Variants in SERPINC1 observed in about 807,000 individuals in gnomAD.
SERPINC1 encodes the protein antithrombin-III.
Under a neutral mutation model 43.4 loss-of-function variants are expected in SERPINC1, and 12 were observed. The ratio of observed to expected loss-of-function variants is 0.28; its 90% CI spans 0.18 to 0.45. SERPINC1 has a LOEUF of 0.45. SERPINC1 is among the 20% of genes least tolerant of loss of function. The pLI is 1.00. For synonymous variants in SERPINC1, 210 were observed against 218.9 expected, an observed-to-expected ratio of 0.96 and a Z score of 0.36; for missense variants, 423 against 578.8, an observed-to-expected ratio of 0.73 and a Z score of 2.76.
At position 173,910,868 on chromosome 1, in the gene SERPINC1, C is replaced by T. The variant is rs767468032; in HGVS notation, c.648G>A (p.Ala216=). The change falls in exon 4 of 7, where the codon GCG becomes GCA. Residue 216 remains alanine, a synonymous_variant. Transcript: ENST00000367698. ...TATTGGACACCCATTTGTTGATGGC[C>T]GCTCTGGATTGCTCTGCATTTTCCT... ...DFKENAEQSR[A]AINKWVSNKT... 3.2e-5 allele frequency: 52 copies of T among 1,614,010 alleles called. No individual in the cohort carries two copies. The highest frequency in any genetic ancestry group is 4.2e-5 in the Non-Finnish European group (49 of 1,180,030).
At chr1:173,904,225 C>T (rs937533858) in intron 6 of SERPINC1, among the ~76,000 whole-genome samples, 160 bp from the exon 7 acceptor site, 1 of 152,224 alleles carries the variant, frequency 6.6e-6, no homozygotes, top group Non-Finnish European at 1.5e-5. Flanking sequence ...TACTTCTACT[C>T]ATTCTTTCAT....
chr1:173,910,789 T>C lies in SERPINC1; in HGVS notation c.727A>G (p.Thr243Ala). 1 of 1,613,982 alleles carries C rather than the reference T, an allele frequency of 6.2e-7. No individual in the cohort carries two copies. Among genetic ancestry groups the C allele is most frequent in the South Asian group, 1.1e-5 (1 of 91,082 alleles). The part of the protein sequence containing the change: ...VIPSEAINEL[T>A]VLVLVNTIYF... Reference sequence around the variant, plus strand: ...ATGGTGTTAACCAGCACCAGAACAGTGAGCTCATTGATGGCTTCCGAGGGA... The same window carrying C: ...ATGGTGTTAACCAGCACCAGAACAGCGAGCTCATTGATGGCTTCCGAGGGA... Residue 243 changes from threonine (T) to alanine (A), a missense_variant, in exon 4 of 7, where the codon ACT becomes GCT. Transcript: ENST00000367698.
At chr1:173,907,141 G>T (rs1419332776) in intron 6 of SERPINC1, among the ~76,000 whole-genome samples, 1 of 151,802 alleles carries the variant, frequency 6.6e-6, no homozygotes, top group East Asian at 1.9e-4. Context: ...AATTCTCCCT[G>T]GGTTTCTGCG....
chr1:173,907,993 T>TAAC (rs903726727), intron 5 of SERPINC1, among the ~76,000 whole-genome samples: 1 of 74,522 alleles, frequency 1.3e-5, no homozygotes, highest in Non-Finnish European at 2.5e-5. Flanking sequence ...AAAATAATAA[T>TAAC]AATAATAATA....
At chr1:173,913,369 G>A (rs1439508336) in intron 2 of SERPINC1, among the ~76,000 whole-genome samples, 1 of 152,172 alleles carries the variant, frequency 6.6e-6, no homozygotes, top group African/African-American at 2.4e-5. Flanking sequence ...GCAGTGGGGG[G>A]AAGGGGGTGG....
intron 2 of SERPINC1, 130 bp downstream of exon 2, chr1:173,914,423 G>A (rs919968761): frequency 1.0e-6 from 1 of 995,926 alleles, no homozygotes; most frequent in Non-Finnish European, 1.6e-6. Context: ...GATGTTCAAA[G>A]GGAATCGTAA....
At position 173,912,000 on chromosome 1, in the gene SERPINC1, G is replaced by A. The variant is rs1657792288; in HGVS notation, c.423C>T (p.Asp141=). 6.2e-7 allele frequency: 1 copy of A among 1,613,744 alleles called. No individual in the cohort carries two copies. Among genetic ancestry groups the A allele is most frequent in the Non-Finnish European group, 8.5e-7 (1 of 1,179,660 alleles). ...LQQLMEVFKF[D]TISEKTSDQI... ...GATCAGATGTTTTCTCAGATATGGT[G>A]TCAAACTTAAATACCTATAGAAGTC... The change falls in exon 3 of 7, where the codon GAC becomes GAT. Residue 141 remains aspartate (D), a synonymous_variant. Coordinates refer to ENST00000367698, the MANE Select transcript of SERPINC1 (RefSeq NM_000488.4).
At chr1:173,914,984 G>A in intron 1 of SERPINC1, 65 bp from the exon 2 acceptor site, 3 of 1,576,142 alleles carry the variant, frequency 1.9e-6, no homozygotes, top group Non-Finnish European at 1.7e-6. Context: ...CCCACCACAG[G>A]GTTGCCCCAG....
At chr1:173,909,981 A>T (rs1226407242) in intron 4 of SERPINC1, 39 bp from the exon 5 acceptor site, 12 of 1,603,586 alleles carry the variant, frequency 7.5e-6, no homozygotes, top group African/African-American at 1.3e-5. Context: ...AAACATTCAT[A>T]GGAGGATAGT....
rs1180794147 is a variant in SERPINC1 at position 173,914,711 on chromosome 1, A to G, written c.250T>C (p.Ser84Pro). The change falls in exon 2 of 7, where the codon TCC (serine) becomes CCC (proline). Residue 84 changes from serine to proline, a missense_variant. Physicochemically the swap from Ser to Pro is moderately conservative, Grantham distance 74. Coordinates refer to ENST00000367698, the MANE Select transcript of SERPINC1 (RefSeq NM_000488.4). Reference sequence around the variant, plus strand: ...GTAGCAAAGCGGGAATTGGCCTTGGACAGTTCCCAGACACGCCGGTTGGTG... The same window carrying G: ...GTAGCAAAGCGGGAATTGGCCTTGGGCAGTTCCCAGACACGCCGGTTGGTG... ...EATNRRVWEL[S>P]KANSRFATTF... 2 of 1,614,228 alleles carry G rather than the reference A, an allele frequency of 1.2e-6. No individual in the cohort carries two copies. The highest frequency in any genetic ancestry group is 3.3e-5 in the Admixed American group (2 of 60,024).
chr1:173,914,738 C>T lies in SERPINC1; in HGVS notation c.223G>A (p.Ala75Thr), dbSNP rs1297895835. The T allele has an allele frequency of 5.0e-6, 8 of 1,614,112 alleles. No individual in the cohort carries two copies. The highest frequency in any genetic ancestry group is 6.8e-6 in the Non-Finnish European group (8 of 1,180,052). The change falls in exon 2 of 7, where the codon GCC becomes ACC. Residue 75 changes from alanine to threonine, a missense_variant. Ala to Thr is a moderately conservative substitution (Grantham distance 58). Transcript: ENST00000367698. ...DEGSEQKIPEATNRRVWELSK... is the reference protein window; with the variant it reads ...DEGSEQKIPETTNRRVWELSK... ...AGTTCCCAGACACGCCGGTTGGTGG[C>T]CTCCGGGATCTTCTGTTCTGAGCCC...
At chr1:173,906,315 T>TAACA (rs1378819671) in intron 6 of SERPINC1, among the ~76,000 whole-genome samples, 8 of 152,254 alleles carry the variant, frequency 5.3e-5, no homozygotes, top group Admixed American at 2.0e-4. Context: ...GCTATTACTC[T>TAACA]AACACAGGGT....
intron 1 of SERPINC1, 39 bp from the exon 2 acceptor site, chr1:173,914,958 A>G: frequency 6.3e-7 from 1 of 1,599,578 alleles, no homozygotes; most frequent in Non-Finnish European, 8.5e-7. Flanking sequence ...CTAGGCTGCA[A>G]CCCCTAGCCC....
In SERPINC1 at chr1:173,906,905, A is replaced by T. The variant is rs570129574; in HGVS notation, c.1218+545T>A. 1.8e-3 allele frequency among the ~76,000 whole-genome samples: 268 copies of T among 152,100 alleles called. 1 individual carries two copies. The highest frequency in any genetic ancestry group is 6.1e-3 in the African/African-American group (254 of 41,512). On this transcript the variant is annotated intron_variant, in intron 6 of 6. Coordinates refer to ENST00000367698, the MANE Select transcript of SERPINC1 (RefSeq NM_000488.4). ...GTGCCAAGGAGGTGGATCACCTGAG[A>T]TCGGGAGTTCAAGACCTGCCTGACC...
rs768704768 is a variant in SERPINC1, at chr1:173,914,828, G to T, written c.133C>A (p.Arg45=). The change falls in exon 2 of 7, where the codon CGG becomes AGG. Residue 45 remains arginine, a synonymous_variant. Coordinates refer to ENST00000367698, the MANE Select transcript of SERPINC1 (RefSeq NM_000488.4). ...SPVDICTAKP[R]DIPMNPMCIY... is the part of the protein sequence containing the mutation. ...CACATGGGATTCATGGGAATGTCCC[G>T]CGGCTTGGCTGTGCAGATGTCCACA... 1 of 1,614,214 alleles carries T rather than the reference G, an allele frequency of 6.2e-7. No homozygotes were observed. Among genetic ancestry groups the T allele is most frequent in the Non-Finnish European group, 8.5e-7 (1 of 1,180,038 alleles).
chr1:173,905,667 A>G (rs894211689), intron 6 of SERPINC1, among the ~76,000 whole-genome samples: 5 of 151,958 alleles, frequency 3.3e-5, no homozygotes, highest in East Asian at 3.9e-4. Context: ...GTTGCAGTGA[A>G]CTGAGATCAT....
At position 173,917,125 on chromosome 1, in the gene SERPINC1, G is replaced by T. The variant is rs1402824359; in HGVS notation, c.41+94C>A. The T allele has an allele frequency of 2.9e-6, 3 of 1,049,550 alleles. No homozygotes were observed. The East Asian group carries it at 7.1e-5, about 25-fold the overall frequency. 65.0% of individuals were successfully genotyped at this position (1,049,550 alleles called of 1,614,324 possible). On this transcript the variant is annotated intron_variant, in intron 1 of 6. Coordinates refer to ENST00000367698, the MANE Select transcript of SERPINC1 (RefSeq NM_000488.4). ...CTGTAACTACCAGGGAGAGGGCCTG[G>T]TCTTCTCAAAGGTGTTGGAGGTCAT...
At position 173,909,832 on chromosome 1, in the gene SERPINC1, A is replaced by G. The variant is rs775845871; in HGVS notation, c.873T>C (p.Arg291=). 1.8e-4 allele frequency: 289 copies of G among 1,613,956 alleles called. No homozygotes were observed. The highest frequency in any genetic ancestry group is 2.1e-5 in the Non-Finnish European group (25 of 1,179,924). The change falls in exon 5 of 7, where the codon CGT becomes CGC. Residue 291 remains arginine, a synonymous_variant. Coordinates refer to ENST00000367698, the MANE Select transcript of SERPINC1 (RefSeq NM_000488.4). ...ASMMYQEGKF[R]YRRVAEGTQV... The stretch of plus-strand genomic sequence containing the variant: ...GGGTGCCTTCAGCCACGCGCCGATA[A>G]CGGAACTTGCCTTCCTGGTACATCA...
At chr1:173,913,044 C>T (rs1047999204) in intron 2 of SERPINC1, among the ~76,000 whole-genome samples, 2 of 152,110 alleles carry the variant, frequency 1.3e-5, no homozygotes, top group Non-Finnish European at 2.9e-5. Context: ...ACCCCAGAGC[C>T]CTGAGCAAAG....
Sources: gnomAD v4.1 joint callset for allele counts (sites outside exome capture counted in the v4.1 genomes callset) on GRCh38, gnomAD v4.1.1 for gene constraint, MANE v1.5 for transcripts, NCBI Gene and HGNC (gene_info 2026-07-23, HGNC 2026-07-21) for gene names.